The following TRMT13 variants were observed in gnomAD, a reference collection of about 807,000 sequenced individuals.
The protein encoded by TRMT13 is tRNA:m(4)X modification enzyme TRM13 homolog.
A neutral mutation model predicts 55.9 loss-of-function variants in TRMT13; 45 were observed. That is an observed-to-expected ratio of 0.80 (90% CI 0.63 to 1.03). The LOEUF (loss-of-function observed/expected upper bound fraction) is 1.03. TRMT13 is among the 50% of genes least tolerant of loss of function. The pLI, the probability that TRMT13 is intolerant of heterozygous loss-of-function variation, is 0.00. For synonymous variants in TRMT13, 183 were observed against 196.3 expected (o/e 0.93, Z 0.57); for missense variants, 513 against 563.9 (o/e 0.91, Z 0.91).
chr1:100,146,825 A>T (rs1657326853), intron 9 of TRMT13, among the ~76,000 whole-genome samples: 1 of 152,224 alleles, frequency 6.6e-6, no homozygotes, highest in South Asian at 2.1e-4. Flanking sequence ...GGTTATTCAC[A>T]TTTCTGAAAA....
In TRMT13 at chr1:100,148,892, A is replaced by T. The variant is rs1452768088; in HGVS notation, c.*72A>T. ...TTTAATTATATTTTTATATCAAAAA[A>T]ATATATACTTTAAATAGCAAATAAT... On this transcript the variant is annotated 3_prime_UTR_variant, in exon 11 of 11. Transcript: ENST00000370141. 6.2e-6 allele frequency: 7 copies of T among 1,127,630 alleles called. No individual in the cohort carries two copies. Among genetic ancestry groups the T allele is most frequent in the Non-Finnish European group, 8.1e-6 (7 of 860,106 alleles). 69.9% of individuals were successfully genotyped at this position (1,127,630 alleles called of 1,614,324 possible).
chr1:100,139,788 A>C, intron 4 of TRMT13, 77 bp downstream of exon 4: 1 of 927,002 alleles, frequency 1.1e-6, no homozygotes, highest in Non-Finnish European at 1.6e-6. Flanking sequence ...GGCATGTTCT[A>C]ATTTTTGTCT....
intron 9 of TRMT13, chr1:100,144,580 T>C (rs1176082339): frequency 6.5e-6 from 1 of 152,708 alleles, no homozygotes; most frequent in African/African-American, 2.4e-5. Flanking sequence ...AAAAAAAAAA[T>C]CTAAGATGTC....
chr1:100,143,940 A>T (rs1267958964), intron 8 of TRMT13, 129 bp from the exon 9 acceptor site: 6 of 709,052 alleles, frequency 8.5e-6, no homozygotes, highest in Non-Finnish European at 1.5e-5. Flanking sequence ...TGGGTTCCAT[A>T]AAGTGATAAT....
Position 100,135,616 on chromosome 1 carries a change from C to T in TRMT13, c.148-1266C>T, listed in dbSNP as rs115268873. ...AAGACATATTTTTGTTCTCATCTTT[C>T]AGATGAGGCAGTAAGCCTACCTAAC... On this transcript the variant is annotated intron_variant, in intron 1 of 10. Coordinates refer to ENST00000370141, the MANE Select transcript of TRMT13 (RefSeq NM_019083.3). 9.6e-3 allele frequency among the ~76,000 whole-genome samples: 1,465 copies of T among 152,216 alleles called. 15 individuals carry two copies. The highest frequency in any genetic ancestry group is 0.016 in the Non-Finnish European group (1,090 of 68,002).
chr1:100,141,367 C>T lies in TRMT13; in HGVS notation c.669+348C>T, dbSNP rs553558900. On this transcript the variant is annotated intron_variant, in intron 7 of 10. Coordinates refer to ENST00000370141, the MANE Select transcript of TRMT13 (RefSeq NM_019083.3). ...CAATTTTTGAGCATACTGCCAGGCC[C>T]CACCCAGGCTGAAGTACAGTGGCAG... is the stretch of plus-strand genomic sequence containing the variant. Among the ~76,000 whole-genome samples the T allele has an allele frequency of 2.6e-5, 4 of 152,272 alleles. No individual in the cohort carries two copies. The South Asian group carries it at 8.3e-4, about 32-fold the overall frequency.
intron 1 of TRMT13, among the ~76,000 whole-genome samples, chr1:100,134,541 A>T (rs1225458278): frequency 6.6e-6 from 1 of 152,176 alleles, no homozygotes; most frequent in Admixed American, 6.5e-5. Flanking sequence ...ACTGGCATTT[A>T]CCAAAAGTGA....
Position 100,138,723 on chromosome 1 carries a change from G to T in TRMT13, c.262-926G>T, listed in dbSNP as rs556354647. Among the ~76,000 whole-genome samples the T allele has an allele frequency of 4.9e-4, 74 of 152,200 alleles. No homozygotes were observed. The Middle Eastern group carries it at 0.01, about 21-fold the overall frequency. Reference sequence around the variant, plus strand: ...TTTTTCATTCATCTAGATCCACACCGTTCAGTATGGCAGCCACTAGCCACA... The same window carrying T: ...TTTTTCATTCATCTAGATCCACACCTTTCAGTATGGCAGCCACTAGCCACA... On this transcript the variant is annotated intron_variant, in intron 3 of 10. Transcript: ENST00000370141.
rs1657712575 is a variant in TRMT13 at position 100,149,287 on chromosome 1, A to G, written c.*467A>G. ...GACATTTTTCCCTACAGATCTGGAA[A>G]GCACAATTGTGATTTTCTCAAATGC... On this transcript the variant is annotated 3_prime_UTR_variant, in exon 11 of 11. Coordinates refer to ENST00000370141, the MANE Select transcript of TRMT13 (RefSeq NM_019083.3). 1 of 1,529,718 alleles carries G rather than the reference A, an allele frequency of 6.5e-7. No individual in the cohort carries two copies. Among genetic ancestry groups the G allele is most frequent in the African/African-American group, 1.4e-5 (1 of 71,582 alleles). 94.8% of individuals were successfully genotyped at this position (1,529,718 alleles called of 1,614,324 possible). A position where few individuals can be genotyped will look rare whatever the true frequency, so the allele number is the denominator to read the frequency against.
rs545645151 is a variant in TRMT13, at chr1:100,133,225, C to G, written c.57C>G (p.Cys19Trp). ...HAPGFPAEGR[C>W]GYYVEKKKRF... is the part of the protein sequence containing the mutation. The stretch of plus-strand genomic sequence containing the variant: ...CTGGTTTTCCAGCTGAGGGTAGATG[C>G]GGTTACTATGTGGAAAAGAAGAAAC... Residue 19 changes from cysteine to tryptophan, a missense_variant, in exon 1 of 11, where the codon TGC becomes TGG. This residue lies in a region of TRMT13 where 298 missense variants were observed against 290.3 expected (regional missense o/e 1.03). Transcript: ENST00000370141. The G allele has an allele frequency of 6.2e-7, 1 of 1,614,076 alleles. No homozygotes were observed. The highest frequency in any genetic ancestry group is 2.2e-5 in the East Asian group (1 of 44,868).
At chr1:100,135,578 A>G (rs535500359) in intron 1 of TRMT13, among the ~76,000 whole-genome samples, 1 of 152,294 alleles carries the variant, frequency 6.6e-6, no homozygotes, top group South Asian at 2.1e-4. Flanking sequence ...AATGTGTTCA[A>G]ACCTTAGAAG....
chr1:100,143,035 T>A, intron 7 of TRMT13, 102 bp from the exon 8 acceptor site: 1 of 694,830 alleles, frequency 1.4e-6, no homozygotes, highest in South Asian at 1.9e-5. Context: ...TTAAATATGT[T>A]CTGTTGCTCT....
At position 100,149,624 on chromosome 1, in the gene TRMT13, CTT is replaced by C; in HGVS notation, c.*805_*806del. 2 of 442,574 alleles carry C rather than the reference CTT, an allele frequency of 4.5e-6. No individual in the cohort carries two copies. The highest frequency in any genetic ancestry group is 4.5e-5 in the Admixed American group (1 of 22,128). 27.4% of individuals were successfully genotyped at this position (442,574 alleles called of 1,614,324 possible). On this transcript the variant is annotated 3_prime_UTR_variant, in exon 11 of 11. Transcript: ENST00000370141. ...TAGGCACAAACAATAAGTATGTTCT[CTT>C]CTGTTTGGGAAAATAATTTGGAATA...
At chr1:100,136,978 G>C (rs760507222) in intron 2 of TRMT13, 41 bp from the exon 3 acceptor site, 2 of 1,599,266 alleles carry the variant, frequency 1.3e-6, no homozygotes, top group Admixed American at 1.7e-5. Flanking sequence ...AACAGTAATT[G>C]GCACAAGTCT....
chr1:100,139,107 G>A lies in TRMT13; in HGVS notation c.262-542G>A, dbSNP rs151086586. 1.1e-4 allele frequency among the ~76,000 whole-genome samples: 16 copies of A among 152,248 alleles called. No homozygotes were observed. In the East Asian group the frequency reaches 2.1e-3, roughly 20 times the overall value. On this transcript the variant is annotated intron_variant, in intron 3 of 10. Transcript: ENST00000370141. ...GAGCCACTGTGCCTGGCTTCATTACGTTAATTTAAATAGTGTGACAGGACA... is the reference window on the plus strand; with the variant it reads ...GAGCCACTGTGCCTGGCTTCATTACATTAATTTAAATAGTGTGACAGGACA...
intron 9 of TRMT13, 92 bp downstream of exon 9, chr1:100,144,235 A>C: frequency 1.2e-6 from 1 of 869,538 alleles, no homozygotes; most frequent in Non-Finnish European, 1.9e-6. Context: ...TTGAATAGAT[A>C]TCTTATGTTT....
At chr1:100,143,287 C>A in intron 8 of TRMT13, 78 bp downstream of exon 8, 1 of 833,590 alleles carries the variant, frequency 1.2e-6, no homozygotes, top group Non-Finnish European at 1.9e-6. Context: ...GAAATCCAAT[C>A]ATGCAGAACT....
chr1:100,144,238 T>G, intron 9 of TRMT13, 95 bp downstream of exon 9: 3 of 848,354 alleles, frequency 3.5e-6, no homozygotes, highest in Non-Finnish European at 5.8e-6. Flanking sequence ...AATAGATATC[T>G]TATGTTTACA....
chr1:100,137,150 A>G, intron 3 of TRMT13, 65 bp downstream of exon 3: 1 of 1,334,272 alleles, frequency 7.5e-7, no homozygotes, highest in Non-Finnish European at 1.1e-6. Context: ...TAGATGCTGC[A>G]CATGGAATGT....
Sources: gnomAD v4.1 joint callset for allele counts (sites outside exome capture counted in the v4.1 genomes callset) on GRCh38, gnomAD v4.1.1 for gene constraint, gnomAD v4.1.1 regional missense constraint, MANE v1.5 for transcripts, NCBI Gene and HGNC (gene_info 2026-07-23, HGNC 2026-07-21) for gene names.